Variants in MOXD1 observed in about 807,000 individuals in gnomAD.
MOXD1 encodes the protein monooxygenase DBH like 1.
MOXD1 carries 62 observed loss-of-function variants against 66.6 expected under a neutral mutation model. The observed-to-expected ratio is 0.93, with a 90% CI of 0.76 to 1.15. The LOEUF (loss-of-function observed/expected upper bound fraction) is 1.15. Ranked by LOEUF, MOXD1 falls within the 50% of genes most tolerant of loss-of-function variation. MOXD1 has a pLI of 0.00. For synonymous variants in MOXD1, 303 were observed against 281.9 expected, an observed-to-expected ratio of 1.07 and a Z score of -0.75; for missense variants, 847 against 754.6, an observed-to-expected ratio of 1.12 and a Z score of -1.44.
At chr6:132,322,575 T>C (rs1775097772) in intron 8 of MOXD1, 104 bp downstream of exon 8, 2 of 1,149,182 alleles carry the variant, frequency 1.7e-6, no homozygotes, top group Non-Finnish European at 2.4e-6. Context: ...AGAATACAGA[T>C]GCAAGGAAAA....
intron 1 of MOXD1, among the ~76,000 whole-genome samples, chr6:132,381,019 C>T (rs1435482248): frequency 6.6e-6 from 1 of 152,152 alleles, no homozygotes; most frequent in Non-Finnish European, 1.5e-5. Flanking sequence ...AATCCCCTAC[C>T]TATTTTAAAT....
chr6:132,311,135 A>G (rs975174022), intron 10 of MOXD1, among the ~76,000 whole-genome samples: 1 of 152,156 alleles, frequency 6.6e-6, no homozygotes, highest in African/African-American at 2.4e-5. Flanking sequence ...AAGAAATATG[A>G]CCCTAAAATA....
At chr6:132,328,164 A>G (rs373611028) in intron 5 of MOXD1, 49 bp from the exon 6 acceptor site, 34 of 1,505,298 alleles carry the variant, frequency 2.3e-5, no homozygotes, top group Non-Finnish European at 2.9e-5. Flanking sequence ...AGTCCCTGAG[A>G]GCTCTATTCC....
intron 1 of MOXD1, among the ~76,000 whole-genome samples, chr6:132,399,594 G>C (rs1562304007): frequency 6.6e-6 from 1 of 152,148 alleles, no homozygotes; most frequent in Non-Finnish European, 1.5e-5. Context: ...CTTTTCATTT[G>C]ACATACAATT....
rs530838384 is a variant in MOXD1, at chr6:132,400,868, T to C, written c.264+295A>G. 7.9e-5 allele frequency among the ~76,000 whole-genome samples: 12 copies of C among 152,272 alleles called. No homozygotes were observed. The South Asian group carries it at 2.5e-3, about 32-fold the overall frequency. ...CCATCAGGGATGAAGCGGGGTGTAT[T>C]GCAGGTGTGTAGGCGGGGGGGCGTC... On this transcript the variant is annotated intron_variant, in intron 1 of 11. Transcript: ENST00000367963.
intron 4 of MOXD1, among the ~76,000 whole-genome samples, chr6:132,345,012 G>T (rs1775642518): frequency 6.6e-6 from 1 of 152,174 alleles, no homozygotes; most frequent in Admixed American, 6.5e-5. Context: ...TGCCCTATGT[G>T]ACAGGAACCA....
chr6:132,364,745 C>T (rs1298263267), intron 4 of MOXD1, among the ~76,000 whole-genome samples: 1 of 152,176 alleles, frequency 6.6e-6, no homozygotes, highest in Non-Finnish European at 1.5e-5. Context: ...CTATCTAATA[C>T]ATTGCCAAAC....
At chr6:132,313,592 T>C (rs544621720) in intron 10 of MOXD1, among the ~76,000 whole-genome samples, 1 of 152,300 alleles carries the variant, frequency 6.6e-6, no homozygotes, top group East Asian at 1.9e-4. Flanking sequence ...GAATGTTTTT[T>C]CACTCTCTCC....
At chr6:132,303,728 C>T (rs1160555577) in intron 10 of MOXD1, among the ~76,000 whole-genome samples, 1 of 144,336 alleles carries the variant, frequency 6.9e-6, no homozygotes, top group Non-Finnish European at 1.5e-5. Context: ...CACACACACA[C>T]ACACACATTT....
chr6:132,374,505 A>C (rs1776335026), intron 2 of MOXD1, 126 bp downstream of exon 2: 1 of 1,041,388 alleles, frequency 9.6e-7, no homozygotes, highest in African/African-American at 1.7e-5. Flanking sequence ...AACTAAAAAA[A>C]ATCAAAAAAG....
At chr6:132,400,729 G>C (rs958004071) in intron 1 of MOXD1, among the ~76,000 whole-genome samples, 2 of 152,084 alleles carry the variant, frequency 1.3e-5, no homozygotes, top group Non-Finnish European at 2.9e-5. Context: ...GAAGTTCTGA[G>C]ATTTCCACTC....
intron 4 of MOXD1, among the ~76,000 whole-genome samples, chr6:132,348,636 C>T (rs1289967158): frequency 3.3e-5 from 5 of 152,118 alleles, no homozygotes; most frequent in Admixed American, 6.6e-5. Flanking sequence ...ATATAAAAAA[C>T]ACGGGTGATT....
chr6:132,363,600 A>T (rs1776059937), intron 4 of MOXD1, among the ~76,000 whole-genome samples: 1 of 152,204 alleles, frequency 6.6e-6, no homozygotes, highest in Non-Finnish European at 1.5e-5. Context: ...GAAGATCTGC[A>T]TTCAAGTCTT....
chr6:132,376,674 C>T lies in MOXD1; in HGVS notation c.265-1897G>A, dbSNP rs1252733570. Reference sequence around the variant, plus strand: ...GACTACAGGCGCCCGCCACTACGCCCGGCTAATTTTTTGTATTTTTAGTAG... The same window carrying T: ...GACTACAGGCGCCCGCCACTACGCCTGGCTAATTTTTTGTATTTTTAGTAG... On this transcript the variant is annotated intron_variant, in intron 1 of 11. Transcript: ENST00000367963. Among the ~76,000 whole-genome samples the T allele has an allele frequency of 5.1e-5, 5 of 98,906 alleles. 1 individual carries two copies. The highest frequency in any genetic ancestry group is 8.3e-5 in the Non-Finnish European group (5 of 60,130). 64.9% of individuals were successfully genotyped at this position (98,906 alleles called of 152,430 possible).
intron 1 of MOXD1, among the ~76,000 whole-genome samples, chr6:132,386,447 A>AAAAAAAAAAAC (rs1776646640): frequency 7.7e-6 from 1 of 130,298 alleles, no homozygotes; most frequent in Non-Finnish European, 1.6e-5. Context: ...AAAAAAAAAC[A>AAAAAAAAAAAC]AAAAAAAAAC....
intron 1 of MOXD1, among the ~76,000 whole-genome samples, chr6:132,389,253 AGG>A (rs970482182): frequency 1.3e-5 from 2 of 151,474 alleles, no homozygotes; most frequent in African/African-American, 4.8e-5. Flanking sequence ...TTATCCCAGA[AGG>A]GTTTCCATGC....
At chr6:132,354,685 G>A (rs1775875749) in intron 4 of MOXD1, among the ~76,000 whole-genome samples, 1 of 152,216 alleles carries the variant, frequency 6.6e-6, no homozygotes, top group Admixed American at 6.5e-5. Flanking sequence ...GGTACGAAGA[G>A]GAAGTGGTGG....
At chr6:132,363,308 T>A (rs1357968982) in intron 4 of MOXD1, among the ~76,000 whole-genome samples, 2 of 151,974 alleles carry the variant, frequency 1.3e-5, no homozygotes, top group Non-Finnish European at 2.9e-5. Flanking sequence ...ACTATAAGTG[T>A]CTGCATATTT....
intron 4 of MOXD1, among the ~76,000 whole-genome samples, chr6:132,329,129 G>A (rs1300721583): frequency 2.0e-5 from 3 of 151,872 alleles, no homozygotes; most frequent in East Asian, 3.9e-4. Flanking sequence ...CCCACCCCAC[G>A]ACAGGCCCTG....
Sources: allele counts gnomAD v4.1 joint callset (sites outside exome capture counted in the v4.1 genomes callset), GRCh38; gene constraint gnomAD v4.1.1; transcripts MANE v1.5; gene names NCBI Gene and HGNC (gene_info 2026-07-23, HGNC 2026-07-21).